Variants in DOCK8 observed in about 807,000 individuals in gnomAD.
DOCK8 encodes dedicator of cytokinesis 8, also known as dedicator of cytokinesis protein 8.
In DOCK8, 141 loss-of-function variants were observed where a neutral mutation model predicts 245.6. The observed-to-expected ratio is 0.57, with a 90% CI of 0.50 to 0.66. The LOEUF is 0.66. Ranked by LOEUF, DOCK8 falls within the 30% of genes least tolerant of loss-of-function variation. The pLI, the probability that DOCK8 is intolerant of heterozygous loss-of-function variation, is 0.00. For missense variants in DOCK8, 2,965 were observed against 2,603.4 expected (o/e 1.14, Z -3.02); for synonymous variants, 1,168 against 970.2 (o/e 1.20, Z -3.79).
intron 4 of DOCK8, among the ~76,000 whole-genome samples, chr9:299,624 C>T (rs939074475): frequency 6.6e-6 from 1 of 151,790 alleles, no homozygotes; most frequent in African/African-American, 2.4e-5. Flanking sequence ...CAGAGTTCAC[C>T]TGTTTATTTT....
chr9:272,992 G>C (rs995185440), intron 2 of DOCK8: 15 of 978,216 alleles, frequency 1.5e-5, no homozygotes, highest in African/African-American at 3.5e-5. Context: ...TTATTACTTC[G>C]AAACCACTTC....
intron 26 of DOCK8, among the ~76,000 whole-genome samples, chr9:400,616 T>TCCACCATCACCACCACCACCTCCA (rs2054906235): frequency 2.2e-4 from 2 of 8,898 alleles, no homozygotes; most frequent in Admixed American, 1.4e-3. Context: ...CACCACCACC[T>TCCACCATCACCACCACCACCTCCA]CCACCACCAT....
chr9:397,458 G>A (rs1460615608), intron 25 of DOCK8, among the ~76,000 whole-genome samples: 1 of 151,808 alleles, frequency 6.6e-6, no homozygotes, highest in Non-Finnish European at 1.5e-5. Context: ...GGAGGCAAGG[G>A]TGGTCAGATC....
chr9:386,342 C>T lies in DOCK8; in HGVS notation c.2790C>T (p.Arg930=), dbSNP rs368337642. Residue 930 remains arginine, a synonymous_variant, in exon 23 of 48, where the codon CGC becomes CGT. Coordinates refer to ENST00000432829, the MANE Select transcript of DOCK8 (RefSeq NM_203447.4). ...KNIMSSKIAD[R]NCSRMSYYCS... Reference sequence around the variant, plus strand: ...TTTGTGTATTTTAGATCGCCGATCGCAACTGCAGCCGAATGTCTTACTATT... The same window carrying T: ...TTTGTGTATTTTAGATCGCCGATCGTAACTGCAGCCGAATGTCTTACTATT... 1.9e-6 allele frequency: 3 copies of T among 1,613,800 alleles called. No individual in the cohort carries two copies. The highest frequency in any genetic ancestry group is 2.2e-5 in the East Asian group (1 of 44,878).
At chr9:310,579 C>T (rs1403350350) in intron 5 of DOCK8, among the ~76,000 whole-genome samples, 4 of 152,176 alleles carry the variant, frequency 2.6e-5, no homozygotes, top group Non-Finnish European at 5.9e-5. Context: ...CTGCCTCAGC[C>T]TCCCAAGTAG....
In DOCK8 at chr9:240,248, T is replaced by A. The variant is rs986730196; in HGVS notation, c.53+25219T>A. Among the ~76,000 whole-genome samples, 5 of 152,198 alleles carry A rather than the reference T, an allele frequency of 3.3e-5. No homozygotes were observed. The South Asian group carries it at 6.2e-4, about 19-fold the overall frequency. On this transcript the variant is annotated intron_variant, in intron 1 of 47. Coordinates refer to ENST00000432829, the MANE Select transcript of DOCK8 (RefSeq NM_203447.4). ...GTACAAACTGGCAAGGTCAATCTTT[T>A]ATACAGGTTATCAGAAACAAATCAA...
At chr9:376,398 T>C in intron 19 of DOCK8, 93 bp downstream of exon 19, 4 of 921,580 alleles carry the variant, frequency 4.3e-6, no homozygotes, top group Non-Finnish European at 7.3e-6. Context: ...AATCCTTGTC[T>C]ACAGATAAAT....
chr9:420,490 C>G lies in DOCK8; in HGVS notation c.3930C>G (p.Ser1310Arg). Residue 1310 changes from serine to arginine, a missense_variant, in exon 31 of 48, where the codon AGC becomes AGG. Physicochemically the swap from Ser to Arg is moderately radical, Grantham distance 110. This residue lies in a region of DOCK8 where 2,825 missense variants were observed against 2,453.5 expected (regional missense o/e 1.15). Coordinates refer to ENST00000432829, the MANE Select transcript of DOCK8 (RefSeq NM_203447.4). ...FLWIMKNADQ[S>R]LIRKWIADLP... The stretch of plus-strand genomic sequence containing the variant: ...GGATCATGAAAAATGCTGATCAGAG[C>G]CTCATTAGGAAGTGGATTGCTGACC... 3 of 1,614,128 alleles carry G rather than the reference C, an allele frequency of 1.9e-6. No homozygotes were observed. The highest frequency in any genetic ancestry group is 2.5e-6 in the Non-Finnish European group (3 of 1,180,026).
intron 28 of DOCK8, among the ~76,000 whole-genome samples, chr9:407,630 C>CAAGAG (rs111536502): frequency 6.6e-6 from 1 of 151,586 alleles, no homozygotes; most frequent in Non-Finnish European, 1.5e-5. Flanking sequence ...AGTCAACAGA[C>CAAGAG]AGAGAGGTAG....
chr9:226,817 C>G (rs1397682084), intron 1 of DOCK8, among the ~76,000 whole-genome samples: 1 of 152,060 alleles, frequency 6.6e-6, no homozygotes, highest in East Asian at 1.9e-4. Flanking sequence ...ATCTGAAACT[C>G]AGGGGAGAAG....
At chr9:448,902 C>T (rs1175741618) in intron 44 of DOCK8, among the ~76,000 whole-genome samples, 1 of 152,188 alleles carries the variant, frequency 6.6e-6, no homozygotes, top group Non-Finnish European at 1.5e-5. Context: ...ACCAGCAGAA[C>T]TTAGCAAATA....
intron 1 of DOCK8, among the ~76,000 whole-genome samples, chr9:216,598 A>T (rs2046760571): frequency 1.3e-5 from 2 of 150,266 alleles, no homozygotes; most frequent in African/African-American, 4.9e-5. Context: ...TCCCTATGGG[A>T]ATTTTTTTCT....
At chr9:319,738 T>A (rs1327392477) in intron 7 of DOCK8, among the ~76,000 whole-genome samples, 1 of 148,174 alleles carries the variant, frequency 6.7e-6, no homozygotes, top group Non-Finnish European at 1.5e-5. Flanking sequence ...CCCTCAAAGA[T>A]ACAGAGAGAA....
chr9:388,020 C>G (rs2054027004), intron 23 of DOCK8, among the ~76,000 whole-genome samples: 1 of 152,172 alleles, frequency 6.6e-6, no homozygotes, highest in Non-Finnish European at 1.5e-5. Context: ...GCAAGGTGTT[C>G]TTGTAATAAT....
intron 10 of DOCK8, among the ~76,000 whole-genome samples, chr9:333,939 T>C (rs1430378682): frequency 6.6e-6 from 1 of 152,214 alleles, no homozygotes; most frequent in Non-Finnish European, 1.5e-5. Flanking sequence ...GATAATCTGA[T>C]GTAATGAGTC....
chr9:224,497 G>A (rs1217561476), intron 1 of DOCK8, among the ~76,000 whole-genome samples: 1 of 152,172 alleles, frequency 6.6e-6, no homozygotes, highest in Non-Finnish European at 1.5e-5. Context: ...GAATGGTCAA[G>A]CTTGACTCTC....
In DOCK8 at chr9:312,172, T is replaced by C. The variant is rs754219083; in HGVS notation, c.741+6T>C. The C allele has an allele frequency of 1.9e-6, 3 of 1,613,992 alleles. No individual in the cohort carries two copies. Among genetic ancestry groups the C allele is most frequent in the Non-Finnish European group, 2.5e-6 (3 of 1,179,908 alleles). On this transcript the variant is annotated splice_donor_region_variant and intron_variant, in intron 6 of 47. Transcript: ENST00000432829. ...TTTACCCATCAGTGGACGAGGTGGG[T>C]GCCACTGTTTCCATACTGGAGAATC... is the stretch of plus-strand genomic sequence containing the variant.
At chr9:254,634 A>G (rs2047726387) in intron 1 of DOCK8, among the ~76,000 whole-genome samples, 1 of 152,194 alleles carries the variant, frequency 6.6e-6, no homozygotes, top group East Asian at 1.9e-4. Flanking sequence ...ATTATGGATA[A>G]ATCATTTCCC....
rs2048832648 is a variant in DOCK8 at position 286,578 on chromosome 9, G to T, written c.274G>T (p.Asp92Tyr). The T allele has an allele frequency of 6.2e-7, 1 of 1,614,012 alleles. No homozygotes were observed. Among genetic ancestry groups the T allele is most frequent in the South Asian group, 1.1e-5 (1 of 91,078 alleles). ...CGGGGACTTCACTGATGACGACTTGGACGTGGTGTTCACGCCAAAGGAATG... is the reference window on the plus strand; with the variant it reads ...CGGGGACTTCACTGATGACGACTTGTACGTGGTGTTCACGCCAAAGGAATG... The part of the protein sequence containing the change: ...ELGDFTDDDL[D>Y]VVFTPKECRT... The change falls in exon 3 of 48, where the codon GAC becomes TAC. Residue 92 changes from aspartate to tyrosine, a missense_variant. Transcript: ENST00000432829.
Sources: allele counts gnomAD v4.1 joint callset (sites outside exome capture counted in the v4.1 genomes callset), GRCh38; gene constraint gnomAD v4.1.1; regional missense constraint gnomAD v4.1.1; transcripts MANE v1.5; gene names NCBI Gene and HGNC (gene_info 2026-07-23, HGNC 2026-07-21).